The following KIAA1217 variants were observed in gnomAD, a reference collection of about 807,000 sequenced individuals.
KIAA1217 encodes KIAA1217.
In KIAA1217, 88 loss-of-function variants were observed where a neutral mutation model predicts 163.9. The ratio of observed to expected loss-of-function variants is 0.54; its 90% confidence interval spans 0.45 to 0.64. The LOEUF (loss-of-function observed/expected upper bound fraction) is 0.64. Among genes scored for constraint, KIAA1217 ranks in the 30% least tolerant of loss-of-function variants. KIAA1217 has a pLI of 0.00. For missense variants in KIAA1217, 2,372 were observed against 2,475.0 expected (o/e 0.96, Z 0.88); for synonymous variants, 903 against 923.1 (o/e 0.98, Z 0.39).
chr10:24,266,289 G>C (rs2076229725), intron 2 of KIAA1217, among the ~76,000 whole-genome samples: 1 of 152,120 alleles, frequency 6.6e-6, no homozygotes, highest in South Asian at 2.1e-4. Flanking sequence ...ATGTTGACCA[G>C]GCTGGTCTCC....
At chr10:24,010,777 G>C (rs1847206745) in intron 2 of KIAA1217, among the ~76,000 whole-genome samples, 2 of 151,960 alleles carry the variant, frequency 1.3e-5, no homozygotes, top group South Asian at 4.2e-4. Flanking sequence ...CCTTTCCAGG[G>C]CCTGAAGGCT....
In KIAA1217 at chr10:24,076,971, G is replaced by T. The variant is rs189549121; in HGVS notation, c.-171+69597G>T. On this transcript the variant is annotated intron_variant, in intron 2 of 18. Coordinates refer to the KIAA1217 transcript ENST00000376462. The stretch of plus-strand genomic sequence containing the variant: ...GGCTCACTGCAACTGCCAGCTCCCA[G>T]GTTCAAGCAGTTCTCCTGCCTCAGC... Among the ~76,000 whole-genome samples, 1,269 of 151,338 alleles carry T rather than the reference G, an allele frequency of 8.4e-3. 10 individuals carry two copies. Among genetic ancestry groups the T allele is most frequent in the African/African-American group, 0.029 (1,185 of 41,220 alleles).
At chr10:23,852,918 GA>G (rs1839431616) in intron 1 of KIAA1217, among the ~76,000 whole-genome samples, 1 of 152,208 alleles carries the variant, frequency 6.6e-6, no homozygotes, top group South Asian at 2.1e-4. Context: ...TTTGGGCTGA[GA>G]CAATGGGGTT....
intron 1 of KIAA1217, among the ~76,000 whole-genome samples, chr10:23,817,971 A>G (rs1837391129): frequency 3.8e-5 from 2 of 52,082 alleles, no homozygotes; most frequent in Non-Finnish European, 7.3e-5. Context: ...ACATATATAT[A>G]TATATATATA....
At chr10:23,865,120 A>G (rs1313088884) in intron 1 of KIAA1217, among the ~76,000 whole-genome samples, 1 of 152,192 alleles carries the variant, frequency 6.6e-6, no homozygotes, top group Non-Finnish European at 1.5e-5. Flanking sequence ...GTATTTCTTT[A>G]TAACTTGCTT....
chr10:24,149,539 ATGT>A (rs953823455), intron 2 of KIAA1217, among the ~76,000 whole-genome samples: 1 of 151,960 alleles, frequency 6.6e-6, no homozygotes, highest in African/African-American at 2.4e-5. Context: ...CAGGCATCAG[ATGT>A]TGTGTGTGTG....
At chr10:24,356,335 A>G (rs2049101258) in intron 2 of KIAA1217, among the ~76,000 whole-genome samples, 1 of 152,218 alleles carries the variant, frequency 6.6e-6, no homozygotes, top group South Asian at 2.1e-4. Flanking sequence ...AAAGTAAAAC[A>G]GCATCGAATG....
At chr10:24,404,290 C>T (rs1317161271) in intron 3 of KIAA1217, among the ~76,000 whole-genome samples, 2 of 151,928 alleles carry the variant, frequency 1.3e-5, no homozygotes, top group African/African-American at 2.4e-5. Flanking sequence ...AAAAGTGGGC[C>T]GGGTGCGGTG....
chr10:23,747,028 A>T (rs1348642543), intron 1 of KIAA1217, among the ~76,000 whole-genome samples: 1 of 152,184 alleles, frequency 6.6e-6, no homozygotes, highest in African/African-American at 2.4e-5. Context: ...AAGAAACTAG[A>T]AAAACTGGCA....
chr10:24,532,361 A>G (rs1386639300), intron 15 of KIAA1217, among the ~76,000 whole-genome samples: 3 of 152,242 alleles, frequency 2.0e-5, no homozygotes, highest in African/African-American at 7.2e-5. Flanking sequence ...AAAGATGTTC[A>G]ATGAGCTTTA....
intron 3 of KIAA1217, among the ~76,000 whole-genome samples, chr10:24,395,181 T>C (rs987823084): frequency 3.9e-5 from 6 of 152,138 alleles, no homozygotes; most frequent in Non-Finnish European, 8.8e-5. Context: ...CAGGAAAACA[T>C]AGAGGCCCTT....
intron 2 of KIAA1217, among the ~76,000 whole-genome samples, chr10:24,174,992 G>A (rs1340919772): frequency 2.6e-5 from 4 of 151,074 alleles, no homozygotes; most frequent in African/African-American, 7.3e-5. Flanking sequence ...CAAGCAGATG[G>A]ATTACAGGTG....
chr10:24,519,997 C>T lies in KIAA1217; in HGVS notation c.2178-126C>T, dbSNP rs901066804. 7 of 1,101,508 alleles carry T rather than the reference C, an allele frequency of 6.4e-6. No homozygotes were observed. The African/African-American group carries it at 7.8e-5, about 12-fold the overall frequency. The allele number at this position is 1,101,508 out of a possible 1,614,324, so 68.2% of individuals were successfully genotyped here. A position where few individuals can be genotyped will look rare whatever the true frequency, so the allele number is the denominator to read the frequency against. On this transcript the variant is annotated intron_variant, in intron 10 of 20. Coordinates refer to ENST00000376454, the MANE Select transcript of KIAA1217 (RefSeq NM_019590.5). ...GCGACCCCCCTCCACCACCACCACA[C>T]GAAAGGCAGGGGGGAGGAGCTGGGG... is the stretch of plus-strand genomic sequence containing the variant.
chr10:23,857,006 C>T (rs539162333), intron 1 of KIAA1217, among the ~76,000 whole-genome samples: 9 of 152,338 alleles, frequency 5.9e-5, no homozygotes, highest in South Asian at 2.1e-4. Flanking sequence ...GCACATGGTG[C>T]GCTGCACCCA....
At chr10:24,225,906 G>A (rs1347803915) in intron 2 of KIAA1217, among the ~76,000 whole-genome samples, 9 of 152,080 alleles carry the variant, frequency 5.9e-5, no homozygotes, top group African/African-American at 1.9e-4. Flanking sequence ...ACCTAGATTA[G>A]GCTAGATCCA....
chr10:23,794,057 T>G (rs565507602), intron 1 of KIAA1217, among the ~76,000 whole-genome samples: 1 of 152,316 alleles, frequency 6.6e-6, no homozygotes, highest in East Asian at 1.9e-4. Flanking sequence ...TTTAACATCG[T>G]AAGATCATAG....
chr10:24,245,115 G>C (rs1365978985), intron 2 of KIAA1217, among the ~76,000 whole-genome samples: 1 of 152,102 alleles, frequency 6.6e-6, no homozygotes, highest in Non-Finnish European at 1.5e-5. Flanking sequence ...GCAGCACCGG[G>C]AGTCTATATG....
chr10:23,720,485 T>C (rs1837817080), intron 1 of KIAA1217, among the ~76,000 whole-genome samples: 1 of 152,172 alleles, frequency 6.6e-6, no homozygotes. Flanking sequence ...AATTTTGAGC[T>C]GCACTTTTGA....
chr10:24,065,701 A>G (rs964176203), intron 2 of KIAA1217, among the ~76,000 whole-genome samples: 3 of 152,136 alleles, frequency 2.0e-5, no homozygotes, highest in African/African-American at 7.2e-5. Flanking sequence ...TACCCTTGTT[A>G]ACTTTCTGTC....
Sources: allele counts gnomAD v4.1 joint callset (sites outside exome capture counted in the v4.1 genomes callset), GRCh38; gene constraint gnomAD v4.1.1; transcripts MANE v1.5; gene names NCBI Gene and HGNC (gene_info 2026-07-23, HGNC 2026-07-21).